The following FUT8 variants were observed in gnomAD, a reference collection of about 807,000 sequenced individuals.
The protein encoded by FUT8 is alpha-(1,6)-fucosyltransferase.
In FUT8, 29 loss-of-function variants were observed where a neutral mutation model predicts 71.3. The ratio of observed to expected loss-of-function variants is 0.41; its 90% CI spans 0.30 to 0.55. The LOEUF is 0.55. Among genes scored for constraint, FUT8 ranks in the 20% least tolerant of loss-of-function variants. The pLI is 0.34. For synonymous variants in FUT8, 254 were observed against 239.3 expected (o/e 1.06, Z -0.57); for missense variants, 544 against 702.1 (o/e 0.77, Z 2.55).
rs538899187 is a variant in FUT8, at chr14:65,483,721, ATTTT to A, written c.-228+28012_-228+28015del. Among the ~76,000 whole-genome samples, 1 of 146,878 alleles carries A rather than the reference ATTTT, an allele frequency of 6.8e-6. No individual in the cohort carries two copies. ...TTATAAATATTTAAATAACATATCA[ATTTT>A]TTTTTTTTGAGACAGAGTTATTGGC... On this transcript the variant is annotated intron_variant, in intron 2 of 10. Coordinates refer to ENST00000673929, the MANE Select transcript of FUT8 (RefSeq NM_001371533.1). The surrounding 1 kb of genome is among the most constrained non-coding windows in gnomAD (Gnocchi z 4.4).
chr14:65,636,125 A>G (rs897563118), intron 6 of FUT8, among the ~76,000 whole-genome samples: 7 of 152,142 alleles, frequency 4.6e-5, no homozygotes, highest in Non-Finnish European at 5.9e-5. Flanking sequence ...GTTTATGTGC[A>G]TAAAGGTGCT....
At chr14:65,495,445 GTTTC>G (rs895371058) in intron 2 of FUT8, among the ~76,000 whole-genome samples, 3 of 152,066 alleles carry the variant, frequency 2.0e-5, no homozygotes, top group Non-Finnish European at 4.4e-5. Flanking sequence ...TGGATATTTT[GTTTC>G]TTTTAAGGAG....
chr14:65,619,449 A>G (rs1017682843), intron 5 of FUT8, among the ~76,000 whole-genome samples: 3 of 152,162 alleles, frequency 2.0e-5, no homozygotes, highest in African/African-American at 7.2e-5. Flanking sequence ...AGGCATTAAA[A>G]TGCAGCCTGG....
At chr14:65,713,186 T>G (rs1894889267) in intron 7 of FUT8, among the ~76,000 whole-genome samples, 2 of 152,340 alleles carry the variant, frequency 1.3e-5, no homozygotes, top group Non-Finnish European at 2.9e-5. Flanking sequence ...GCTTATTTTA[T>G]TTAACACAGT....
chr14:65,654,522 C>A (rs1280825410), intron 6 of FUT8, among the ~76,000 whole-genome samples: 1 of 151,400 alleles, frequency 6.6e-6, no homozygotes, highest in African/African-American at 2.4e-5. Flanking sequence ...ACCTGGGAGG[C>A]GGAGGTTGCA....
In FUT8 at chr14:65,717,389, C is replaced by G. The variant is rs570036617; in HGVS notation, c.836-4386C>G. 1.0e-3 allele frequency among the ~76,000 whole-genome samples: 138 copies of G among 135,936 alleles called. 2 individuals are homozygous for G. The highest frequency in any genetic ancestry group is 3.8e-3 in the African/African-American group (134 of 35,036). The allele number at this position is 135,936 out of a possible 152,430, so 89.2% of individuals were successfully genotyped here. On this transcript the variant is annotated intron_variant, in intron 7 of 10. Coordinates refer to ENST00000673929, the MANE Select transcript of FUT8 (RefSeq NM_001371533.1). The stretch of plus-strand genomic sequence containing the variant: ...CCCAGACGGGGCGGCCAGGCAGAGA[C>G]TCTCCTCACCTCCCAGATGGGGCAG...
chr14:65,537,233 T>C, intron 2 of FUT8, among the ~76,000 whole-genome samples: 1 of 151,932 alleles, frequency 6.6e-6, no homozygotes, highest in East Asian at 1.9e-4. Flanking sequence ...CTTATCCATA[T>C]TCTGAATTTT....
chr14:65,399,327 A>C, the FUT8 span, among the ~76,000 whole-genome samples: 1 of 152,148 alleles, frequency 6.6e-6, no homozygotes, highest in African/African-American at 2.4e-5. Flanking sequence ...AAAAAAAAAG[A>C]TATTTTTTGA....
At chr14:65,633,052 T>G (rs1476537078) in intron 6 of FUT8, among the ~76,000 whole-genome samples, 2 of 135,302 alleles carry the variant, frequency 1.5e-5, no homozygotes, top group Admixed American at 7.7e-5. Context: ...CTTTCCACGG[T>G]CTCCCTCTGA....
intron 3 of FUT8, among the ~76,000 whole-genome samples, chr14:65,612,967 T>C (rs189995686): frequency 1.3e-5 from 2 of 152,314 alleles, no homozygotes; most frequent in East Asian, 3.9e-4. Context: ...ATATTGACTC[T>C]TTTCTGGATG....
In FUT8 at chr14:65,417,703, T is replaced by A. The variant is rs570787192; in HGVS notation, c.-326+4489T>A. Among the ~76,000 whole-genome samples the A allele has an allele frequency of 6.3e-4, 96 of 152,300 alleles. 2 individuals carry two copies. In the Middle Eastern group the frequency reaches 0.014, roughly 22 times the overall value. Reference sequence around the variant, plus strand: ...GAAATACGTTTTGAATTTATAAATCTTCTTTTAATTAACAAATTATACCAA... The same window carrying A: ...GAAATACGTTTTGAATTTATAAATCATCTTTTAATTAACAAATTATACCAA... On this transcript the variant is annotated intron_variant, in intron 1 of 10. Transcript: ENST00000673929.
intron 6 of FUT8, among the ~76,000 whole-genome samples, chr14:65,630,982 C>T (rs879938877): frequency 6.6e-6 from 1 of 152,094 alleles, no homozygotes; most frequent in South Asian, 2.1e-4. Flanking sequence ...TTAAGGTGCA[C>T]ATTTTTCTAC....
chr14:65,604,747 T>TA (rs1278770985), intron 3 of FUT8, among the ~76,000 whole-genome samples: 1 of 151,598 alleles, frequency 6.6e-6, no homozygotes, highest in African/African-American at 2.4e-5. Context: ...AGAAAGGAAA[T>TA]GACCAAGATT....
intron 2 of FUT8, among the ~76,000 whole-genome samples, chr14:65,511,630 TTTATTA>T (rs937121203): frequency 6.6e-6 from 1 of 152,220 alleles, no homozygotes; most frequent in Non-Finnish European, 1.5e-5. Context: ...AACTGACCTC[TTTATTA>T]TTATATAGTG....
At chr14:65,704,966 G>A (rs1894487428) in intron 7 of FUT8, among the ~76,000 whole-genome samples, 1 of 152,172 alleles carries the variant, frequency 6.6e-6, no homozygotes. Context: ...CATGTCTGTT[G>A]CTATTAAAAG....
chr14:65,468,038 A>G (rs1399484616), intron 2 of FUT8: 7 of 674,498 alleles, frequency 1.0e-5, no homozygotes, highest in Non-Finnish European at 1.9e-5. Context: ...TCTTGGCAAG[A>G]ATCTTGCCCT....
intron 7 of FUT8, among the ~76,000 whole-genome samples, chr14:65,689,378 G>T (rs977046253): frequency 2.0e-5 from 3 of 151,912 alleles, no homozygotes; most frequent in African/African-American, 7.3e-5. Flanking sequence ...AAGTTTTAAG[G>T]GTTCTTTTTA....
chr14:65,430,252 A>C (rs78177687), intron 1 of FUT8: 6,924 of 151,430 alleles, frequency 0.046, 201 homozygotes, highest in Middle Eastern at 0.1. Context: ...GCTGGTCTCG[A>C]ACTCTGAGCT....
intron 7 of FUT8, among the ~76,000 whole-genome samples, chr14:65,699,184 ACACACACACACACACG>A: frequency 6.7e-6 from 1 of 148,694 alleles, no homozygotes; most frequent in Admixed American, 6.8e-5. Context: ...ACACACACAC[ACACACACACACACACG>A]CCCATGCAGA....
Sources: gnomAD v4.1 joint callset for allele counts (sites outside exome capture counted in the v4.1 genomes callset) on GRCh38, gnomAD v4.1.1 for gene constraint, Gnocchi (gnomAD v3.1) non-coding constraint, MANE v1.5 for transcripts, NCBI Gene and HGNC (gene_info 2026-07-23, HGNC 2026-07-21) for gene names.